Variants in ITGA11 observed in about 807,000 individuals in gnomAD.
ITGA11 encodes the protein integrin alpha-11.
A neutral mutation model predicts 141.9 loss-of-function variants in ITGA11; 97 were observed. That is an observed-to-expected ratio of 0.68 (90% CI 0.58 to 0.81). ITGA11 has a LOEUF of 0.81. ITGA11 is among the 30% of genes least tolerant of loss of function. ITGA11 has a pLI of 0.00. For synonymous variants in ITGA11, 658 were observed against 624.6 expected (o/e 1.05, Z -0.80); for missense variants, 1,387 against 1,559.2 (o/e 0.89, Z 1.86).
intron 23 of ITGA11, among the ~76,000 whole-genome samples, chr15:68,313,422 T>C (rs1359050340): frequency 6.6e-6 from 1 of 152,188 alleles, no homozygotes; most frequent in African/African-American, 2.4e-5. Flanking sequence ...AAAAAGCAGA[T>C]TGACTTACGA....
chr15:68,359,676 A>C (rs550014665), intron 5 of ITGA11, among the ~76,000 whole-genome samples: 3,479 of 152,264 alleles, frequency 0.023, 55 homozygotes, highest in South Asian at 0.035. Flanking sequence ...AAACAAATAA[A>C]AAAAAAACTA....
rs187982250 is a variant in ITGA11 at position 68,350,379 on chromosome 15, G to A, written c.1060+238C>T. 3.8e-3 allele frequency among the ~76,000 whole-genome samples: 580 copies of A among 151,982 alleles called. 1 individual carries two copies. The highest frequency in any genetic ancestry group is 6.9e-3 in the Non-Finnish European group (469 of 67,980). On this transcript the variant is annotated intron_variant, in intron 9 of 29. Transcript: ENST00000315757. ...TTTGTAATTTTTTTTTTAAAGAGACGAGGTTTTGCCTTGCTGACCAAACTG... is the reference window on the plus strand; with the variant it reads ...TTTGTAATTTTTTTTTTAAAGAGACAAGGTTTTGCCTTGCTGACCAAACTG...
intron 2 of ITGA11, among the ~76,000 whole-genome samples, chr15:68,390,620 T>A (rs1247853879): frequency 6.6e-6 from 1 of 152,096 alleles, no homozygotes; most frequent in African/African-American, 2.4e-5. Context: ...GGAAGCCAGG[T>A]CCATACCACA....
intron 14 of ITGA11, among the ~76,000 whole-genome samples, chr15:68,331,615 T>G (rs1019821998): frequency 1.3e-5 from 2 of 150,648 alleles, no homozygotes; most frequent in African/African-American, 4.9e-5. Flanking sequence ...TGTTGTTTGT[T>G]GTTGGGGGAG....
At chr15:68,406,851 G>A (rs1896660955) in intron 1 of ITGA11, among the ~76,000 whole-genome samples, 1 of 152,082 alleles carries the variant, frequency 6.6e-6, no homozygotes, top group South Asian at 2.1e-4. Flanking sequence ...ACGATCCTAG[G>A]CATCTAACCG....
chr15:68,311,469 G>A, intron 24 of ITGA11, 66 bp from the exon 25 acceptor site: 2 of 1,129,066 alleles, frequency 1.8e-6, no homozygotes, highest in African/African-American at 1.5e-5. Context: ...AGGTCCACAG[G>A]GGCCAACCAG....
chr15:68,363,694 C>T (rs1319235414), intron 4 of ITGA11, among the ~76,000 whole-genome samples: 1 of 152,166 alleles, frequency 6.6e-6, no homozygotes, highest in Non-Finnish European at 1.5e-5. Flanking sequence ...TCTCTGAAGT[C>T]CTCTCCTGCA....
In ITGA11 at chr15:68,423,273, C is replaced by T. The variant is rs549149686; in HGVS notation, c.52+8742G>A. 1.1e-4 allele frequency among the ~76,000 whole-genome samples: 16 copies of T among 152,104 alleles called. No homozygotes were observed. The South Asian group carries it at 2.3e-3, about 22-fold the overall frequency. Reference sequence around the variant, plus strand: ...TGTATGGCGGGGGAAGTACAGGACACCTTGGAATCACACAAGTGGGGCCCC... The same window carrying T: ...TGTATGGCGGGGGAAGTACAGGACATCTTGGAATCACACAAGTGGGGCCCC... On this transcript the variant is annotated intron_variant, in intron 1 of 29. Transcript: ENST00000315757.
At chr15:68,350,904 G>A (rs1595872667) in intron 8 of ITGA11, 122 bp from the exon 9 acceptor site, 8 of 961,194 alleles carry the variant, frequency 8.3e-6, no homozygotes, top group East Asian at 7.5e-5. Context: ...AGCCATGAGA[G>A]TTCCTCGCAA....
intron 9 of ITGA11, among the ~76,000 whole-genome samples, chr15:68,349,622 C>T (rs1894842970): frequency 6.6e-6 from 1 of 152,206 alleles, no homozygotes; most frequent in Non-Finnish European, 1.5e-5. Context: ...TTCCAATGCA[C>T]TGCAGACTTC....
At chr15:68,387,301 A>T (rs182905866) in intron 2 of ITGA11, among the ~76,000 whole-genome samples, 1 of 152,010 alleles carries the variant, frequency 6.6e-6, no homozygotes, top group African/African-American at 2.4e-5. Context: ...AGATGGAGGC[A>T]TCTACACGGT....
In ITGA11 at chr15:68,307,494, G is replaced by A. The variant is rs376624507; in HGVS notation, c.3286-51C>T. The A allele has an allele frequency of 6.6e-6, 10 of 1,519,068 alleles. No homozygotes were observed. The highest frequency in any genetic ancestry group is 1.2e-5 in the South Asian group (1 of 83,750). The allele number at this position is 1,519,068 out of a possible 1,614,324, so 94.1% of individuals were successfully genotyped here. On this transcript the variant is annotated intron_variant, in intron 27 of 29. Coordinates refer to ENST00000315757, the MANE Select transcript of ITGA11 (RefSeq NM_001004439.2). This position sits in a 1 kb window ranked among gnomAD's most constrained non-coding sequence, Gnocchi z 6.1. ...AGCTGGCTTGGAAGCTTTTCTTCCC[G>A]TCCCCTCCCCAGGCAGCCCCAGGTG...
intron 7 of ITGA11, 79 bp downstream of exon 7, chr15:68,357,072 T>C: frequency 7.7e-7 from 1 of 1,293,156 alleles, no homozygotes; most frequent in Non-Finnish European, 1.1e-6. Context: ...AATTTTGTGG[T>C]AGTGTGTTAC....
chr15:68,339,548 AGGACTCGC>A lies in ITGA11; in HGVS notation c.1220_1227del (p.Arg407LeufsTer74), dbSNP rs1187339050. ...AGCTCCTCGGGGAACTCTTTCAGGT[AGGACTCGC>A]GGAGAGGAATGACCTTCCCGGCACT... is the stretch of plus-strand genomic sequence containing the variant. On this transcript the variant is annotated frameshift_variant, in exon 11 of 30. Coordinates refer to ENST00000315757, the MANE Select transcript of ITGA11 (RefSeq NM_001004439.2). LOFTEE classifies it high-confidence loss of function. The A allele has an allele frequency of 6.2e-7, 1 of 1,613,950 alleles. No individual in the cohort carries two copies.
At chr15:68,332,120 A>G (rs1172925596) in intron 13 of ITGA11, 58 bp from the exon 14 acceptor site, 1 of 1,434,208 alleles carries the variant, frequency 7.0e-7, no homozygotes, top group Admixed American at 2.0e-5. Context: ...CCTCAGGCTC[A>G]TAATTCCCTC....
intron 2 of ITGA11, among the ~76,000 whole-genome samples, chr15:68,371,415 T>G (rs1895585702): frequency 6.6e-6 from 1 of 152,006 alleles, no homozygotes; most frequent in Non-Finnish European, 1.5e-5. Context: ...TGTTCTAGAT[T>G]AGAAAAGCCA....
intron 8 of ITGA11, among the ~76,000 whole-genome samples, chr15:68,350,983 G>T (rs1319054412): frequency 6.6e-6 from 1 of 152,200 alleles, no homozygotes; most frequent in Non-Finnish European, 1.5e-5. Flanking sequence ...GTTAGGGTCT[G>T]GGAGCTGGGA....
intron 26 of ITGA11, 142 bp downstream of exon 26, chr15:68,310,852 C>T: frequency 1.6e-6 from 1 of 636,490 alleles, no homozygotes; most frequent in Admixed American, 2.7e-5. Flanking sequence ...CAGTTTTTTT[C>T]TTGGTTTGGG....
At chr15:68,377,732 T>G (rs991720347) in intron 2 of ITGA11, among the ~76,000 whole-genome samples, 2 of 152,228 alleles carry the variant, frequency 1.3e-5, no homozygotes, top group Non-Finnish European at 2.9e-5. Flanking sequence ...TTCCATTTAA[T>G]TATTTTGTAT....
Sources: allele counts gnomAD v4.1 joint callset (sites outside exome capture counted in the v4.1 genomes callset), GRCh38; gene constraint gnomAD v4.1.1; non-coding constraint Gnocchi (gnomAD v3.1); transcripts MANE v1.5; gene names NCBI Gene and HGNC (gene_info 2026-07-23, HGNC 2026-07-21).